Variants in ANAPC10 observed in about 807,000 individuals in gnomAD.
The protein encoded by ANAPC10 is anaphase-promoting complex subunit 10.
In ANAPC10, 12 loss-of-function variants were observed where a neutral mutation model predicts 22.0. The observed-to-expected ratio is 0.55, with a 90% confidence interval of 0.35 to 0.88. ANAPC10 has a LOEUF of 0.88. Ranked by LOEUF, ANAPC10 falls within the 40% of genes least tolerant of loss-of-function variation. ANAPC10 has a pLI of 0.01. For synonymous variants in ANAPC10, 65 were observed against 69.5 expected (o/e 0.94, Z 0.32); for missense variants, 188 against 220.9 (o/e 0.85, Z 0.94).
At chr4:145,077,921 G>A (rs575981476) in intron 3 of ANAPC10, among the ~76,000 whole-genome samples, 21 of 152,116 alleles carry the variant, frequency 1.4e-4, no homozygotes, top group Admixed American at 7.2e-4. Flanking sequence ...ACATCATACC[G>A]AGCAAAAACT....
intron 2 of ANAPC10, among the ~76,000 whole-genome samples, chr4:145,089,378 C>A (rs1459434311): frequency 6.6e-6 from 1 of 151,916 alleles, no homozygotes; most frequent in Non-Finnish European, 1.5e-5. Context: ...ATACTGAATC[C>A]CTTCTTTGTA....
In ANAPC10 at chr4:145,095,987, G is replaced by A. The variant is rs1167096952; in HGVS notation, c.113C>T (p.Pro38Leu). The A allele has an allele frequency of 2.3e-5, 37 of 1,613,990 alleles. No individual in the cohort carries two copies. Among genetic ancestry groups the A allele is most frequent in the Non-Finnish European group, 2.8e-5 (33 of 1,180,006 alleles). The part of the protein sequence containing the change: ...QAVWSLSSCK[P>L]GFGVDQLRDD... ...CTTTTTTGTTTGTTAGTTTTTACCTGGTTTGCAAGATGAGAGTGACCAAAC... is the reference window on the plus strand; with the variant it reads ...CTTTTTTGTTTGTTAGTTTTTACCTAGTTTGCAAGATGAGAGTGACCAAAC... The change falls in exon 2 of 5, where the codon CCA becomes CTA. Residue 38 changes from proline (P) to leucine (L), a missense_variant and splice_region_variant. Physicochemically the swap from Pro to Leu is moderately conservative, Grantham distance 98. Coordinates refer to ENST00000507656, the MANE Select transcript of ANAPC10 (RefSeq NM_001256706.2).
chr4:145,058,844 A>G lies in ANAPC10; in HGVS notation c.327+5728T>C, dbSNP rs34323114. On this transcript the variant is annotated intron_variant, in intron 4 of 4. Coordinates refer to ENST00000507656, the MANE Select transcript of ANAPC10 (RefSeq NM_001256706.2). The stretch of plus-strand genomic sequence containing the variant: ...TAAGTGATGCATACAATAATAAATA[A>G]AAGTTTTCAAAAATTCTATATATTG... Among the ~76,000 whole-genome samples the G allele has an allele frequency of 4.4e-3, 671 of 152,260 alleles. 3 individuals carry two copies. Among genetic ancestry groups the G allele is most frequent in the African/African-American group, 0.015 (615 of 41,566 alleles).
chr4:145,054,696 CTGTG>C (rs1355470418), intron 4 of ANAPC10, among the ~76,000 whole-genome samples: 1 of 142,360 alleles, frequency 7.0e-6, no homozygotes, highest in Non-Finnish European at 1.5e-5. Flanking sequence ...GTGTGTGTGC[CTGTG>C]TGTGTGTGCA....
chr4:145,084,527 A>T (rs374902605), intron 2 of ANAPC10, among the ~76,000 whole-genome samples: 3 of 152,138 alleles, frequency 2.0e-5, no homozygotes, highest in African/African-American at 7.2e-5. Context: ...CTGGAAGAAG[A>T]ACTGTCTTGG....
At chr4:145,053,783 GAAAA>G in intron 4 of ANAPC10, 1 of 509,642 alleles carries the variant, frequency 2.0e-6, no homozygotes. Context: ...ACATGAGGCT[GAAAA>G]AAAAAAAAGG....
intron 4 of ANAPC10, among the ~76,000 whole-genome samples, chr4:145,036,442 C>T (rs1738546329): frequency 6.6e-6 from 1 of 152,150 alleles, no homozygotes; most frequent in Admixed American, 6.5e-5. Context: ...AACAGGATTG[C>T]TCCCAAAGAG....
chr4:145,025,332 G>GCC lies in ANAPC10; in HGVS notation c.328-29731_328-29730dup, dbSNP rs36048867. Among the ~76,000 whole-genome samples the GCC allele has an allele frequency of 3.0e-3, 423 of 141,858 alleles. 3 individuals are homozygous for GCC. The highest frequency in any genetic ancestry group is 9.4e-3 in the African/African-American group (362 of 38,596). 93.1% of individuals were successfully genotyped at this position (141,858 alleles called of 152,430 possible). A position where few individuals can be genotyped will look rare whatever the true frequency, so the allele number is the denominator to read the frequency against. Reference sequence around the variant, plus strand: ...TTTGGCCTATTTTGGCTTTCAACACGCCCCCCCCCCCTTTTAAGCTCAGTC... The same window carrying GCC: ...TTTGGCCTATTTTGGCTTTCAACACGCCCCCCCCCCCCCTTTTAAGCTCAGTC... On this transcript the variant is annotated intron_variant, in intron 4 of 4. Coordinates refer to ENST00000507656, the MANE Select transcript of ANAPC10 (RefSeq NM_001256706.2).
chr4:145,077,131 G>A (rs191886953), intron 3 of ANAPC10, among the ~76,000 whole-genome samples: 265 of 152,158 alleles, frequency 1.7e-3, no homozygotes, highest in African/African-American at 6.0e-3. Flanking sequence ...ACCGGGAGGC[G>A]GAGCTTGCAG....
intron 3 of ANAPC10, among the ~76,000 whole-genome samples, chr4:145,073,974 CA>C (rs1744844137): frequency 6.6e-6 from 1 of 151,846 alleles, no homozygotes; most frequent in Non-Finnish European, 1.5e-5. Context: ...CCTTTTAAAT[CA>C]GCAAACAAGT....
At chr4:144,996,649 G>A (rs1344329913) in intron 4 of ANAPC10, among the ~76,000 whole-genome samples, 1 of 152,152 alleles carries the variant, frequency 6.6e-6, no homozygotes, top group African/African-American at 2.4e-5. Flanking sequence ...CAGAAAAGCT[G>A]AAAATTCTAA....
At position 144,994,752 on chromosome 4, in the gene ANAPC10, T is replaced by A. The variant is rs1388482677; in HGVS notation, c.*621A>T. 1 of 152,096 alleles carries A rather than the reference T, an allele frequency of 6.6e-6. No homozygotes were observed. The highest frequency in any genetic ancestry group is 1.5e-5 in the Non-Finnish European group (1 of 67,984). The allele number at this position is 152,096 out of a possible 1,614,324, so 9.4% of individuals were successfully genotyped here. ...CTAGATTATACAGGCAATCTTTACA[T>A]AATATCATTAGGATACAGACAACCC... On this transcript the variant is annotated 3_prime_UTR_variant, in exon 5 of 5. Transcript: ENST00000507656.
rs149199277 is a variant in ANAPC10, at chr4:145,073,896, T to TG, written c.206+7763dup. Among the ~76,000 whole-genome samples the TG allele has an allele frequency of 1.5e-3, 224 of 152,082 alleles. 1 individual carries two copies. The highest frequency in any genetic ancestry group is 5.1e-3 in the African/African-American group (210 of 41,564). On this transcript the variant is annotated intron_variant, in intron 3 of 4. Transcript: ENST00000507656. ...TTAATAAAATTTGTAGAAATTTTGA[T>TG]GAAGGCAGATCAAACAAAAGCACAA...
At position 145,098,145 on chromosome 4, in the gene ANAPC10, A is replaced by T. The variant is rs1748887361; in HGVS notation, c.-38T>A. On this transcript the variant is annotated 5_prime_UTR_variant, in exon 1 of 5. Transcript: ENST00000507656. ...AGTTTCCAGACCTGGCTGCTTGCCG[A>T]AACTCAGATTCTCGGCACCTCCAGC... The T allele has an allele frequency of 1.3e-5, 2 of 152,640 alleles. No individual in the cohort carries two copies. The highest frequency in any genetic ancestry group is 2.9e-5 in the Non-Finnish European group (2 of 68,364). The allele number at this position is 152,640 out of a possible 1,614,324, so 9.5% of individuals were successfully genotyped here.
chr4:145,081,627 A>G (rs747190415), intron 3 of ANAPC10, 33 bp downstream of exon 3: 2 of 1,342,070 alleles, frequency 1.5e-6, no homozygotes, highest in Admixed American at 3.5e-5. Flanking sequence ...TATAACCTAC[A>G]GTAGATGAAA....
At chr4:145,060,997 A>G (rs529413731) in intron 4 of ANAPC10, among the ~76,000 whole-genome samples, 14 of 152,238 alleles carry the variant, frequency 9.2e-5, no homozygotes, top group African/African-American at 2.9e-4. Flanking sequence ...AGGCACTAAC[A>G]ATTTAAAGCA....
At chr4:145,080,007 G>A (rs1192341580) in intron 3 of ANAPC10, among the ~76,000 whole-genome samples, 4 of 151,480 alleles carry the variant, frequency 2.6e-5, no homozygotes, top group African/African-American at 7.3e-5. Context: ...CCAGCTACTC[G>A]GGATCCTGAG....
At chr4:144,997,700 A>C (rs1002377593) in intron 4 of ANAPC10, among the ~76,000 whole-genome samples, 2 of 152,234 alleles carry the variant, frequency 1.3e-5, no homozygotes, top group Non-Finnish European at 2.9e-5. Context: ...AGCTAACATC[A>C]CAATGACAGG....
At chr4:145,009,306 T>C (rs959096193) in intron 4 of ANAPC10, among the ~76,000 whole-genome samples, 1 of 152,182 alleles carries the variant, frequency 6.6e-6, no homozygotes, top group African/African-American at 2.4e-5. Flanking sequence ...TACCAATGAC[T>C]TTCTTCACAG....
Sources: allele counts gnomAD v4.1 joint callset (sites outside exome capture counted in the v4.1 genomes callset), GRCh38; gene constraint gnomAD v4.1.1; transcripts MANE v1.5; gene names NCBI Gene and HGNC (gene_info 2026-07-23, HGNC 2026-07-21).